Variants in TSPAN18 observed in about 807,000 individuals in gnomAD.
TSPAN18 encodes the protein tetraspanin-18.
A neutral mutation model predicts 27.3 loss-of-function variants in TSPAN18; 14 were observed. The ratio of observed to expected loss-of-function variants is 0.51; its 90% CI spans 0.34 to 0.80. The LOEUF (loss-of-function observed/expected upper bound fraction) is 0.80, where lower values mean the gene tolerates loss of function less well. Ranked by LOEUF, TSPAN18 falls within the 30% of genes least tolerant of loss-of-function variation. The pLI, the probability that TSPAN18 is intolerant of heterozygous loss-of-function variation, is 0.01. For missense variants in TSPAN18, 268 were observed against 323.9 expected, an observed-to-expected ratio of 0.83 and a Z score of 1.32; for synonymous variants, 143 against 136.5, an observed-to-expected ratio of 1.05 and a Z score of -0.33.
chr11:44,733,910 C>A (rs113072273), intron 1 of TSPAN18, among the ~76,000 whole-genome samples: 8,732 of 152,084 alleles, frequency 0.057, 616 homozygotes, highest in African/African-American at 0.17. Context: ...TTTGTTTGAC[C>A]CTCCAAATCT....
At chr11:44,907,125 G>C (rs1297385099) in intron 4 of TSPAN18, among the ~76,000 whole-genome samples, 2 of 83,732 alleles carry the variant, frequency 2.4e-5, no homozygotes, top group Non-Finnish European at 5.0e-5. Flanking sequence ...CTAGCCTATG[G>C]ATTCTGTATA....
intron 5 of TSPAN18, among the ~76,000 whole-genome samples, chr11:44,914,150 C>T (rs1355605979): frequency 6.6e-6 from 1 of 152,242 alleles, no homozygotes; most frequent in Non-Finnish European, 1.5e-5. Context: ...ATGGAAACTC[C>T]ATGAAGATGG....
intron 2 of TSPAN18, among the ~76,000 whole-genome samples, chr11:44,799,332 G>T (rs1354178554): frequency 1.3e-5 from 2 of 152,138 alleles, no homozygotes; most frequent in Admixed American, 1.3e-4. Flanking sequence ...CTTCGGAGCG[G>T]CCACTGCCCT....
chr11:44,745,897 G>A (rs1855062907), intron 1 of TSPAN18, among the ~76,000 whole-genome samples: 1 of 152,168 alleles, frequency 6.6e-6, no homozygotes, highest in Admixed American at 6.5e-5. Context: ...CGTGGTTGCA[G>A]GCGCCTGTAG....
chr11:44,869,541 G>A (rs181378514), intron 3 of TSPAN18, among the ~76,000 whole-genome samples: 20 of 152,286 alleles, frequency 1.3e-4, no homozygotes, highest in Middle Eastern at 3.4e-3. Context: ...CATGTCCCAC[G>A]TCCAATAGTA....
In TSPAN18 at chr11:44,847,308, C is replaced by G. The variant is rs114357587; in HGVS notation, c.-152-13020C>G. ...GGGCTCAGAAAGCCACAAGTGTGAA[C>G]CTGGCTCCCTCACTTATGAGCTCAT... On this transcript the variant is annotated intron_variant, in intron 2 of 9. Coordinates refer to ENST00000520358, the MANE Select transcript of TSPAN18 (RefSeq NM_130783.5). Among the ~76,000 whole-genome samples the G allele has an allele frequency of 7.5e-3, 1,143 of 152,118 alleles. 15 individuals are homozygous for G. The highest frequency in any genetic ancestry group is 0.026 in the African/African-American group (1,093 of 41,376).
chr11:44,822,959 T>C (rs1027934087), intron 2 of TSPAN18, among the ~76,000 whole-genome samples: 1 of 152,212 alleles, frequency 6.6e-6, no homozygotes, highest in Non-Finnish European at 1.5e-5. Context: ...TTTCTTAGAC[T>C]TTCTGAGTCC....
chr11:44,893,325 C>T (rs1282029505), intron 3 of TSPAN18, among the ~76,000 whole-genome samples: 1 of 152,216 alleles, frequency 6.6e-6, no homozygotes, highest in African/African-American at 2.4e-5. Flanking sequence ...GCATCCACAG[C>T]AGGCTGTGCT....
At chr11:44,914,684 C>A (rs1243064171) in intron 5 of TSPAN18, among the ~76,000 whole-genome samples, 1 of 152,184 alleles carries the variant, frequency 6.6e-6, no homozygotes, top group African/African-American at 2.4e-5. Flanking sequence ...ACCAGCTATG[C>A]CAGCTTGGGC....
chr11:44,748,677 G>A (rs563794358), intron 1 of TSPAN18, among the ~76,000 whole-genome samples: 3 of 152,304 alleles, frequency 2.0e-5, no homozygotes, highest in African/African-American at 7.2e-5. Flanking sequence ...AAGCCACAGT[G>A]TCATAGCACC....
In TSPAN18 at chr11:44,755,810, C is replaced by T. The variant is rs928067478; in HGVS notation, c.-239-8616C>T. ...CCAGGGTCTCCCTGAGGACGCTGCT[C>T]CTTCTTGGGGCATAAGGCCAAATTC... On this transcript the variant is annotated intron_variant, in intron 1 of 9. Transcript: ENST00000520358. Among the ~76,000 whole-genome samples, 9 of 152,062 alleles carry T rather than the reference C, an allele frequency of 5.9e-5. No homozygotes were observed. In the East Asian group the frequency reaches 9.7e-4, roughly 16 times the overall value.
At chr11:44,855,756 C>T (rs1292626868) in intron 2 of TSPAN18, among the ~76,000 whole-genome samples, 1 of 151,708 alleles carries the variant, frequency 6.6e-6, no homozygotes, top group Non-Finnish European at 1.5e-5. Flanking sequence ...ACCACCCACC[C>T]ACCTTCCCCT....
At chr11:44,765,049 T>C (rs913459082) in intron 2 of TSPAN18, among the ~76,000 whole-genome samples, 1 of 152,172 alleles carries the variant, frequency 6.6e-6, no homozygotes, top group African/African-American at 2.4e-5. Flanking sequence ...GGGAAGTCCT[T>C]CTTGAGCTGA....
At chr11:44,870,094 G>A (rs1384674250) in intron 3 of TSPAN18, among the ~76,000 whole-genome samples, 1 of 152,086 alleles carries the variant, frequency 6.6e-6, no homozygotes, top group Admixed American at 6.5e-5. Context: ...GTTTTATAGA[G>A]GTATAATTTA....
chr11:44,827,749 G>A (rs1857074426), intron 2 of TSPAN18, among the ~76,000 whole-genome samples: 2 of 152,210 alleles, frequency 1.3e-5, no homozygotes, highest in South Asian at 4.1e-4. Context: ...GTGCATTTGC[G>A]AGAATGGATG....
intron 1 of TSPAN18, among the ~76,000 whole-genome samples, chr11:44,727,956 C>T (rs899144453): frequency 4.0e-5 from 6 of 149,760 alleles, no homozygotes; most frequent in Non-Finnish European, 8.9e-5. Flanking sequence ...GTGCTCGGCT[C>T]GGGTGGGATC....
chr11:44,903,796 A>C, intron 3 of TSPAN18: 1 of 418,862 alleles, frequency 2.4e-6, no homozygotes, highest in Non-Finnish European at 4.8e-6. Flanking sequence ...TTGTCCTTCC[A>C]AGCTGGATTG....
At chr11:44,880,686 C>G (rs1210107150) in intron 3 of TSPAN18, among the ~76,000 whole-genome samples, 3 of 152,232 alleles carry the variant, frequency 2.0e-5, no homozygotes, top group Admixed American at 1.3e-4. Flanking sequence ...TGGCCAGGGC[C>G]AGGTCCTCAG....
chr11:44,916,174 C>A (rs1042401300), intron 5 of TSPAN18, among the ~76,000 whole-genome samples: 1 of 152,162 alleles, frequency 6.6e-6, no homozygotes, highest in East Asian at 1.9e-4. Context: ...ATACTCCTCC[C>A]GAGGCGCTCA....
Sources: gnomAD v4.1 joint callset for allele counts (sites outside exome capture counted in the v4.1 genomes callset) on GRCh38, gnomAD v4.1.1 for gene constraint, MANE v1.5 for transcripts, NCBI Gene and HGNC (gene_info 2026-07-23, HGNC 2026-07-21) for gene names.